The following TMEM132C variants were observed in gnomAD, a reference collection of about 807,000 sequenced individuals.
The protein encoded by TMEM132C is transmembrane protein 132C, also known as protein phosphatase 1, regulatory subunit 152.
In TMEM132C, 29 loss-of-function variants were observed where a neutral mutation model predicts 61.4. That is an observed-to-expected ratio of 0.47 (90% confidence interval 0.35 to 0.64). TMEM132C has a LOEUF of 0.64. TMEM132C is among the 30% of genes least tolerant of loss of function. The pLI is 0.00. For missense variants in TMEM132C, 1,408 were observed against 1,476.9 expected (o/e 0.95, Z 0.76); for synonymous variants, 656 against 633.1 (o/e 1.04, Z -0.54).
intron 3 of TMEM132C, among the ~76,000 whole-genome samples, chr12:128,597,326 A>C (rs1876006008): frequency 6.6e-6 from 1 of 152,106 alleles, no homozygotes; most frequent in South Asian, 2.1e-4. Context: ...CTAAAAAAAA[A>C]AATTAACCGG....
At chr12:128,628,445 T>C (rs1364136081) in intron 4 of TMEM132C, among the ~76,000 whole-genome samples, 1 of 152,236 alleles carries the variant, frequency 6.6e-6, no homozygotes, top group African/African-American at 2.4e-5. Context: ...TGTTCAGGTC[T>C]GTGCTTACAT....
At chr12:128,430,393 T>A (rs1869344284) in intron 2 of TMEM132C, among the ~76,000 whole-genome samples, 1 of 152,216 alleles carries the variant, frequency 6.6e-6, no homozygotes, top group East Asian at 1.9e-4. Flanking sequence ...TTAGGCCTCT[T>A]ACGTGACCTT....
Position 128,705,561 on chromosome 12 carries a change from G to C in TMEM132C, c.2593G>C (p.Asp865His). The change falls in exon 9 of 9, where the codon GAC (aspartate) becomes CAC (histidine). Residue 865 changes from aspartate to histidine, a missense_variant. Transcript: ENST00000435159. Reference sequence around the variant, plus strand: ...CACTACCACGGCCAGGTCCCTGCTGGACAACAAAGTGGTGAAGAACAGTCG... The same window carrying C: ...CACTACCACGGCCAGGTCCCTGCTGCACAACAAAGTGGTGAAGAACAGTCG... ...RATTTARSLL[D>H]NKVVKNSRAD... The C allele has an allele frequency of 2.6e-6, 4 of 1,551,188 alleles. No individual in the cohort carries two copies. Among genetic ancestry groups the C allele is most frequent in the Non-Finnish European group, 3.5e-6 (4 of 1,147,000 alleles).
intron 1 of TMEM132C, among the ~76,000 whole-genome samples, chr12:128,330,700 A>C (rs12310672): frequency 0.028 from 4,206 of 152,266 alleles, 186 homozygotes; most frequent in African/African-American, 0.096. Context: ...CATCTTCTGG[A>C]ATGCCTGTCA....
At chr12:128,690,118 G>A (rs570084882) in intron 5 of TMEM132C, among the ~76,000 whole-genome samples, 12 of 152,274 alleles carry the variant, frequency 7.9e-5, no homozygotes, top group South Asian at 4.1e-4. Flanking sequence ...CAAGCCTCAC[G>A]TGACCCCACC....
At chr12:128,284,319 G>GAT (rs777177663) in intron 1 of TMEM132C, among the ~76,000 whole-genome samples, 4 of 152,218 alleles carry the variant, frequency 2.6e-5, no homozygotes, top group African/African-American at 7.2e-5. Flanking sequence ...TTGTGTGACA[G>GAT]ATATACATAT....
At chr12:128,617,931 T>C (rs6486707) in intron 4 of TMEM132C, among the ~76,000 whole-genome samples, 98,709 of 152,182 alleles carry the variant, frequency 0.65, 32,157 homozygotes, top group South Asian at 0.68. Context: ...CAACAAGCCA[T>C]GGGCCACATC....
chr12:128,511,492 A>G (rs1872562379), intron 2 of TMEM132C, among the ~76,000 whole-genome samples: 1 of 152,220 alleles, frequency 6.6e-6, no homozygotes, highest in South Asian at 2.1e-4. Context: ...TAAGAGGGAC[A>G]TAGATTGAAG....
At chr12:128,423,846 A>T (rs992420316) in intron 2 of TMEM132C, among the ~76,000 whole-genome samples, 2 of 151,920 alleles carry the variant, frequency 1.3e-5, no homozygotes, top group Non-Finnish European at 2.9e-5. Context: ...ATCCTGGCTA[A>T]CATGGTGAAA....
chr12:128,482,361 C>A (rs1356686453), intron 2 of TMEM132C, among the ~76,000 whole-genome samples: 5 of 152,108 alleles, frequency 3.3e-5, no homozygotes, highest in Admixed American at 2.0e-4. Flanking sequence ...AACTGAATAA[C>A]TGGATTCGGT....
In TMEM132C at chr12:128,393,972, C is replaced by T. The variant is rs535661998; in HGVS notation, c.86-20760C>T. Among the ~76,000 whole-genome samples, 4 of 152,214 alleles carry T rather than the reference C, an allele frequency of 2.6e-5. 1 individual carries two copies. Among genetic ancestry groups the T allele is most frequent in the African/African-American group, 7.2e-5 (3 of 41,522 alleles). ...GCTGAGATACACACTTCTTTAAAGA[C>T]GGTGTATTAGTCCGTTTTCACACTG... On this transcript the variant is annotated intron_variant, in intron 1 of 8. Transcript: ENST00000435159.
chr12:128,323,145 A>C (rs962830305), intron 1 of TMEM132C, among the ~76,000 whole-genome samples: 2 of 152,192 alleles, frequency 1.3e-5, no homozygotes, highest in East Asian at 1.9e-4. Context: ...ACAGAAGAAA[A>C]CTTCCAGAAA....
intron 5 of TMEM132C, among the ~76,000 whole-genome samples, chr12:128,674,463 A>C (rs1954563716): frequency 2.0e-5 from 3 of 152,172 alleles, no homozygotes; most frequent in Non-Finnish European, 4.4e-5. Context: ...ATTCCTCTTG[A>C]GTAGATACAG....
chr12:128,646,008 A>ATT (rs1954194413), intron 4 of TMEM132C, among the ~76,000 whole-genome samples: 1 of 149,780 alleles, frequency 6.7e-6, no homozygotes, highest in African/African-American at 2.5e-5. Context: ...TCAGTGTTGG[A>ATT]TGAGTGTGTT....
At chr12:128,461,739 TGTGATAGTG>T (rs1421520896) in intron 2 of TMEM132C, among the ~76,000 whole-genome samples, 1 of 152,140 alleles carries the variant, frequency 6.6e-6, no homozygotes, top group African/African-American at 2.4e-5. Context: ...AGTTGATGTG[TGTGATAGTG>T]GTGATAGTGG....
chr12:128,502,420 G>T (rs144950133), intron 2 of TMEM132C, among the ~76,000 whole-genome samples: 106 of 152,312 alleles, frequency 7.0e-4, no homozygotes, highest in Admixed American at 1.1e-3. Flanking sequence ...GGATAATAAT[G>T]GTAGCTCTTT....
intron 4 of TMEM132C, among the ~76,000 whole-genome samples, chr12:128,622,360 AATATAT>A (rs767066742): frequency 9.0e-4 from 27 of 30,074 alleles, no homozygotes; most frequent in African/African-American, 2.7e-3. Context: ...AAAAAAAAAA[AATATAT>A]ATATATATAT....
intron 4 of TMEM132C, among the ~76,000 whole-genome samples, chr12:128,663,568 T>G (rs1336375517): frequency 6.6e-6 from 1 of 152,236 alleles, no homozygotes; most frequent in Non-Finnish European, 1.5e-5. Flanking sequence ...GGCCAGTGAG[T>G]CAAACTCCCC....
intron 3 of TMEM132C, among the ~76,000 whole-genome samples, chr12:128,581,949 G>A (rs552305157): frequency 1.3e-4 from 20 of 152,260 alleles, no homozygotes; most frequent in African/African-American, 3.1e-4. Flanking sequence ...TCAGCTCCGC[G>A]AATCCTTCCT....
Sources: gnomAD v4.1 joint callset for allele counts (sites outside exome capture counted in the v4.1 genomes callset) on GRCh38, gnomAD v4.1.1 for gene constraint, MANE v1.5 for transcripts, NCBI Gene and HGNC (gene_info 2026-07-23, HGNC 2026-07-21) for gene names.